Variants in ABCC5 observed in about 807,000 individuals in gnomAD.
ABCC5 encodes ATP-binding cassette sub-family C member 5.
In ABCC5, 61 loss-of-function variants were observed where a neutral mutation model predicts 160.9. The ratio of observed to expected loss-of-function variants is 0.38; its 90% confidence interval spans 0.31 to 0.47. The LOEUF is 0.47. ABCC5 is among the 20% of genes least tolerant of loss of function. The pLI, the probability that ABCC5 is intolerant of heterozygous loss-of-function variation, is 0.99. For missense variants in ABCC5, 1,308 were observed against 1,813.3 expected (o/e 0.72, Z 5.06); for synonymous variants, 666 against 700.6 (o/e 0.95, Z 0.78).
At chr3:183,952,506 C>A (rs1327021069) in intron 18 of ABCC5, among the ~76,000 whole-genome samples, 3 of 152,156 alleles carry the variant, frequency 2.0e-5, no homozygotes, top group African/African-American at 4.8e-5. Flanking sequence ...CAAAGCTCAT[C>A]TTGAATTGTA....
chr3:183,951,790 G>A lies in ABCC5; in HGVS notation c.2814+67C>T. 6.3e-7 allele frequency: 1 copy of A among 1,576,964 alleles called. No individual in the cohort carries two copies. Among genetic ancestry groups the A allele is most frequent in the African/African-American group, 1.3e-5 (1 of 74,560 alleles). On this transcript the variant is annotated intron_variant, in intron 19 of 29. Coordinates refer to ENST00000334444, the MANE Select transcript of ABCC5 (RefSeq NM_005688.4). The surrounding 1 kb of genome is among the most constrained non-coding windows in gnomAD (Gnocchi z 4.7). Reference sequence around the variant, plus strand: ...CTCCCCTACTCAGCATGAACTGAGAGACGCCACACCAAAGCCTGACCACAG... The same window carrying A: ...CTCCCCTACTCAGCATGAACTGAGAAACGCCACACCAAAGCCTGACCACAG...
At chr3:183,992,264 T>C (rs1719833203) in intron 2 of ABCC5, among the ~76,000 whole-genome samples, 1 of 152,180 alleles carries the variant, frequency 6.6e-6, no homozygotes, top group Non-Finnish European at 1.5e-5. Flanking sequence ...TAATCTCAAC[T>C]ACTCAGGAGG....
intron 26 of ABCC5, among the ~76,000 whole-genome samples, chr3:183,934,708 C>G (rs117333089): frequency 1.3e-5 from 2 of 152,154 alleles, no homozygotes. Flanking sequence ...GCAGAGACGA[C>G]GTCTCACGAT....
In ABCC5 at chr3:183,925,650, G is replaced by A. The variant is rs200251720; in HGVS notation, c.4117C>T (p.Arg1373Ter). The A allele has an allele frequency of 1.2e-6, 2 of 1,614,046 alleles. No homozygotes were observed. Among genetic ancestry groups the A allele is most frequent in the Non-Finnish European group, 1.7e-6 (2 of 1,180,000 alleles). Residue 1373 changes from arginine (R) to a stop codon, truncating the protein, a stop_gained, in exon 29 of 30, where the codon CGA becomes TGA. Coordinates refer to ENST00000334444, the MANE Select transcript of ABCC5 (RefSeq NM_005688.4). LOFTEE classifies it high-confidence loss of function. ...ETDLLIQETI[R>*]EAFADCTMLT... The stretch of plus-strand genomic sequence containing the variant: ...ATGGTACAGTCTGCAAATGCTTCTC[G>A]GATGGTCTCTTGAATCAATAAGTCT...
At chr3:183,992,576 G>C (rs1719863097) in intron 2 of ABCC5, among the ~76,000 whole-genome samples, 1 of 152,082 alleles carries the variant, frequency 6.6e-6, no homozygotes, top group Admixed American at 6.5e-5. Context: ...ACGAGGTCAG[G>C]AGATCGAGAC....
Position 183,982,854 on chromosome 3 carries a change from G to A in ABCC5, c.745C>T (p.Arg249Cys), listed in dbSNP as rs754448946. 11 of 1,614,064 alleles carry A rather than the reference G, an allele frequency of 6.8e-6. No homozygotes were observed. The highest frequency in any genetic ancestry group is 1.7e-5 in the Admixed American group (1 of 59,998). Residue 249 changes from arginine to cysteine, a missense_variant, in exon 6 of 30, where the codon CGC becomes TGC. Arg to Cys is a radical substitution (Grantham distance 180). Coordinates refer to ENST00000334444, the MANE Select transcript of ABCC5 (RefSeq NM_005688.4). This position sits in a 1 kb window ranked among gnomAD's most constrained non-coding sequence, Gnocchi z 5.2. ...ATGGTTAGGATGGCCCCCCGCAAGC[G>A]GACACCGGTTCGGTAATTCAATGCC... ...TWALNYRTGVRLRGAILTMAF... is the reference protein window; with the variant it reads ...TWALNYRTGVCLRGAILTMAF...
chr3:183,981,976 G>T, intron 7 of ABCC5, 102 bp from the exon 8 acceptor site: 1 of 1,355,440 alleles, frequency 7.4e-7, no homozygotes, highest in Non-Finnish European at 9.9e-7. Flanking sequence ...ATATAATCCT[G>T]CTTGCTAGGA....
At chr3:183,971,968 C>G (rs200833103) in intron 10 of ABCC5, 49 bp from the exon 11 acceptor site, 1 of 1,609,574 alleles carries the variant, frequency 6.2e-7, no homozygotes, top group Admixed American at 1.7e-5. Flanking sequence ...TGGATCAAGA[C>G]CAGGGAGACA....
At chr3:183,984,723 G>A (rs1405419412) in intron 5 of ABCC5, 1 of 1,531,640 alleles carries the variant, frequency 6.5e-7, no homozygotes, top group African/African-American at 1.4e-5. Context: ...CCGGGTTGCT[G>A]GTTTACTAGC....
At chr3:183,973,661 G>A (rs763991931) in intron 10 of ABCC5, among the ~76,000 whole-genome samples, 7 of 151,972 alleles carry the variant, frequency 4.6e-5, no homozygotes, top group Admixed American at 6.6e-5. Context: ...TATCTTCCCC[G>A]AAGTGTCATG....
chr3:183,932,871 A>ATGG (rs1272401145), intron 26 of ABCC5, among the ~76,000 whole-genome samples: 1 of 152,108 alleles, frequency 6.6e-6, no homozygotes, highest in Non-Finnish European at 1.5e-5. Flanking sequence ...TACAATTAAG[A>ATGG]TGGTTATGAC....
chr3:183,971,534 G>A, intron 11 of ABCC5, 29 bp downstream of exon 11: 1 of 1,598,054 alleles, frequency 6.3e-7, no homozygotes, highest in Non-Finnish European at 8.5e-7. Context: ...GTGGGGTGCG[G>A]GCAGGGAGGC....
chr3:183,955,255 C>A (rs988240582), intron 17 of ABCC5, among the ~76,000 whole-genome samples: 1 of 152,130 alleles, frequency 6.6e-6, no homozygotes, highest in African/African-American at 2.4e-5. Flanking sequence ...CTTCCAGGGC[C>A]CTGCTATCTG....
chr3:183,940,662 G>A (rs1264759946), intron 25 of ABCC5, among the ~76,000 whole-genome samples: 1 of 151,836 alleles, frequency 6.6e-6, no homozygotes, highest in Non-Finnish European at 1.5e-5. Flanking sequence ...GCCTAGGTTT[G>A]GACCACCTGG....
chr3:183,979,032 C>T (rs994266684), intron 8 of ABCC5, among the ~76,000 whole-genome samples: 8 of 152,070 alleles, frequency 5.3e-5, no homozygotes, highest in African/African-American at 1.9e-4. Flanking sequence ...CACAATGGCA[C>T]TGGAGAATTA....
intron 2 of ABCC5, among the ~76,000 whole-genome samples, chr3:184,012,571 T>C (rs1721846242): frequency 6.6e-6 from 1 of 152,232 alleles, no homozygotes; most frequent in East Asian, 1.9e-4. Flanking sequence ...GGTCTGTACT[T>C]GTACCGCCTA....
At chr3:183,936,149 G>A (rs2139559) in intron 26 of ABCC5, among the ~76,000 whole-genome samples, 11 of 151,802 alleles carry the variant, frequency 7.2e-5, no homozygotes, top group East Asian at 1.9e-4. Context: ...TCTCCTTTCC[G>A]CGGGCACACA....
rs3792584 is a variant in ABCC5 at position 183,966,122 on chromosome 3, T to C, written c.1834-621A>G. Among the ~76,000 whole-genome samples the C allele has an allele frequency of 2.7e-3, 413 of 152,314 alleles. 19 individuals carry two copies. In the East Asian group the frequency reaches 0.071, roughly 26 times the overall value. On this transcript the variant is annotated intron_variant, in intron 12 of 29. Transcript: ENST00000334444. Reference sequence around the variant, plus strand: ...CCATTTTACCCCCTTCCATGATTTCTTTTGTTTGGGACTGATAGTAGACAT... The same window carrying C: ...CCATTTTACCCCCTTCCATGATTTCCTTTGTTTGGGACTGATAGTAGACAT...
At chr3:183,954,156 G>GTT (rs113785991) in intron 17 of ABCC5, among the ~76,000 whole-genome samples, 229 of 151,142 alleles carry the variant, frequency 1.5e-3, no homozygotes, top group African/African-American at 4.7e-3. Context: ...TTGTGTGTGT[G>GTT]TTTTTTTTTG....
Sources: gnomAD v4.1 joint callset for allele counts (sites outside exome capture counted in the v4.1 genomes callset) on GRCh38, gnomAD v4.1.1 for gene constraint, Gnocchi (gnomAD v3.1) non-coding constraint, MANE v1.5 for transcripts, NCBI Gene and HGNC (gene_info 2026-07-23, HGNC 2026-07-21) for gene names.